The following LAMA2 variants were observed in gnomAD, a reference collection of about 807,000 sequenced individuals.
The protein encoded by LAMA2 is laminin subunit alpha 2, also known as laminin subunit alpha-2.
A neutral mutation model predicts 364.8 loss-of-function variants in LAMA2; 269 were observed. That is an observed-to-expected ratio of 0.74 (90% CI 0.67 to 0.82). The LOEUF is 0.82. LAMA2 is among the 40% of genes least tolerant of loss of function. The pLI, the probability that LAMA2 is intolerant of heterozygous loss-of-function variation, is 0.00. For synonymous variants in LAMA2, 1,379 were observed against 1,370.6 expected, an observed-to-expected ratio of 1.01 and a Z score of -0.14; for missense variants, 3,807 against 3,873.2, an observed-to-expected ratio of 0.98 and a Z score of 0.45.
intron 30 of LAMA2, among the ~76,000 whole-genome samples, chr6:129,345,697 T>G (rs997976991): frequency 2.0e-5 from 3 of 151,884 alleles, no homozygotes; most frequent in Admixed American, 6.5e-5. Flanking sequence ...TGTGTAGATA[T>G]CTAAATATAT....
intron 12 of LAMA2, among the ~76,000 whole-genome samples, chr6:129,248,550 A>G (rs1346880405): frequency 1.3e-5 from 2 of 152,208 alleles, no homozygotes; most frequent in East Asian, 1.9e-4. Flanking sequence ...GAGAAGCCAT[A>G]TTCAAGAAAA....
In LAMA2 at chr6:129,491,813, G is replaced by T. The variant is rs894516515; in HGVS notation, c.7899-88G>T. ...GCTCCCTTAAAAGCTATGGTTGAGA[G>T]GGGTGAAGGGTGGCAGGAAAGAATT... is the stretch of plus-strand genomic sequence containing the variant. On this transcript the variant is annotated intron_variant, in intron 56 of 64. Transcript: ENST00000421865. 6.5e-6 allele frequency: 7 copies of T among 1,069,742 alleles called. No homozygotes were observed. In the East Asian group the frequency reaches 7.7e-5, roughly 12 times the overall value. The allele number at this position is 1,069,742 out of a possible 1,614,324, so 66.3% of individuals were successfully genotyped here.
chr6:129,240,821 T>C (rs1034880084), intron 12 of LAMA2, among the ~76,000 whole-genome samples: 1 of 152,242 alleles, frequency 6.6e-6, no homozygotes, highest in Admixed American at 6.5e-5. Flanking sequence ...ATTATCCTAA[T>C]ATACAGAAGC....
At position 129,349,430 on chromosome 6, in the gene LAMA2, A is replaced by G. The variant is rs755657782; in HGVS notation, c.4523+46A>G. The G allele has an allele frequency of 2.2e-6, 3 of 1,388,914 alleles. No homozygotes were observed. The Admixed American group carries it at 5.0e-5, about 23-fold the overall frequency. The allele number at this position is 1,388,914 out of a possible 1,614,324, so 86.0% of individuals were successfully genotyped here. On this transcript the variant is annotated intron_variant, in intron 31 of 64. Coordinates refer to ENST00000421865, the MANE Select transcript of LAMA2 (RefSeq NM_000426.4). The stretch of plus-strand genomic sequence containing the variant: ...TACAGAGTAATGATATGTAGGGACT[A>G]TATGGTAAAGGGTCACAATAGGAAA...
intron 42 of LAMA2, among the ~76,000 whole-genome samples, chr6:129,440,065 A>G (rs1782029651): frequency 1.3e-5 from 2 of 152,046 alleles, no homozygotes; most frequent in African/African-American, 2.4e-5. Context: ...CAGGTGAGAA[A>G]CAGACAGAGG....
chr6:129,243,055 C>G (rs1291909399), intron 12 of LAMA2, among the ~76,000 whole-genome samples: 1 of 152,016 alleles, frequency 6.6e-6, no homozygotes, highest in South Asian at 2.1e-4. Context: ...AAAGCTAATC[C>G]ATTTGTTTTA....
At chr6:128,960,525 A>G (rs1421380148) in intron 1 of LAMA2, among the ~76,000 whole-genome samples, 3 of 148,932 alleles carry the variant, frequency 2.0e-5, no homozygotes, top group Non-Finnish European at 4.4e-5. Context: ...AAACCCGGCT[A>G]ATTTTTGTAT....
intron 4 of LAMA2, among the ~76,000 whole-genome samples, chr6:129,121,842 G>A (rs983295455): frequency 1.3e-5 from 2 of 151,992 alleles, no homozygotes; most frequent in Non-Finnish European, 2.9e-5. Context: ...ATTTTCTGAG[G>A]CATTGACCTA....
chr6:129,120,323 A>G (rs1776735479), intron 4 of LAMA2, among the ~76,000 whole-genome samples: 1 of 152,200 alleles, frequency 6.6e-6, no homozygotes, highest in Non-Finnish European at 1.5e-5. Flanking sequence ...TCATTTGTAA[A>G]ATTTTAAAGT....
At chr6:128,995,316 G>A (rs1302555092) in intron 1 of LAMA2, among the ~76,000 whole-genome samples, 1 of 152,110 alleles carries the variant, frequency 6.6e-6, no homozygotes, top group Non-Finnish European at 1.5e-5. Context: ...AGTGGGTATA[G>A]TACCTGATAG....
chr6:129,194,675 G>A (rs190337549), intron 12 of LAMA2, among the ~76,000 whole-genome samples: 6 of 152,256 alleles, frequency 3.9e-5, no homozygotes, highest in Admixed American at 2.6e-4. Flanking sequence ...TTAATGTAAC[G>A]TGGAAGCCCT....
At chr6:129,369,153 A>T (rs1777934104) in intron 33 of LAMA2, among the ~76,000 whole-genome samples, 1 of 152,170 alleles carries the variant, frequency 6.6e-6, no homozygotes, top group African/African-American at 2.4e-5. Flanking sequence ...TAAAGCTATG[A>T]TTAATAAGGA....
intron 1 of LAMA2, among the ~76,000 whole-genome samples, chr6:129,035,156 G>C (rs533276797): frequency 7.5e-4 from 114 of 152,002 alleles, no homozygotes; most frequent in African/African-American, 2.5e-3. Context: ...AATATTTTTT[G>C]ACTTTTTAAT....
chr6:128,934,673 A>AT (rs1383185928), intron 1 of LAMA2, among the ~76,000 whole-genome samples: 2 of 151,382 alleles, frequency 1.3e-5, no homozygotes, highest in Non-Finnish European at 2.9e-5. Context: ...AGCCAATTTT[A>AT]TTTTTTGTAT....
chr6:129,004,643 A>G (rs1469772977), intron 1 of LAMA2, among the ~76,000 whole-genome samples: 1 of 152,154 alleles, frequency 6.6e-6, no homozygotes, highest in African/African-American at 2.4e-5. Flanking sequence ...GGTAAATTGT[A>G]AACTCAATTC....
chr6:129,340,126 C>T (rs2114562621), intron 29 of LAMA2, among the ~76,000 whole-genome samples: 1 of 152,140 alleles, frequency 6.6e-6, no homozygotes, highest in African/African-American at 2.4e-5. Flanking sequence ...TTTGCTTTAG[C>T]AACAAAGATC....
At chr6:129,057,162 T>A (rs955910993) in intron 2 of LAMA2, among the ~76,000 whole-genome samples, 4 of 152,192 alleles carry the variant, frequency 2.6e-5, no homozygotes, top group Admixed American at 1.3e-4. Context: ...GTACAACTTG[T>A]CTCTAAGATT....
chr6:128,956,822 T>A (rs28475739), intron 1 of LAMA2, among the ~76,000 whole-genome samples: 2 of 150,580 alleles, frequency 1.3e-5, no homozygotes, highest in African/African-American at 4.9e-5. Context: ...TTTTTTTTTT[T>A]AAAGGAACAC....
chr6:129,228,908 T>C (rs1784500301), intron 12 of LAMA2, among the ~76,000 whole-genome samples: 1 of 152,210 alleles, frequency 6.6e-6, no homozygotes, highest in Non-Finnish European at 1.5e-5. Context: ...ACAAAAGTAA[T>C]TTTAAGAGGA....
Sources: allele counts gnomAD v4.1 joint callset (sites outside exome capture counted in the v4.1 genomes callset), GRCh38; gene constraint gnomAD v4.1.1; transcripts MANE v1.5; gene names NCBI Gene and HGNC (gene_info 2026-07-23, HGNC 2026-07-21).